The following DNAH12 variants were observed in gnomAD, a reference collection of about 807,000 sequenced individuals.
DNAH12 encodes dynein axonemal heavy chain 12, also known as axonemal beta dynein heavy chain 12.
Under a neutral mutation model 371.5 loss-of-function variants are expected in DNAH12, and 285 were observed. The observed-to-expected ratio is 0.77, with a 90% CI of 0.70 to 0.85. The LOEUF (loss-of-function observed/expected upper bound fraction) is 0.85. Among genes scored for constraint, DNAH12 ranks in the 40% least tolerant of loss-of-function variants. The probability of loss-of-function intolerance (pLI) is 0.00; values close to 1 mark genes in which losing one functional copy is unlikely to be tolerated. For synonymous variants in DNAH12, 1,200 were observed against 1,213.0 expected (o/e 0.99, Z 0.22); for missense variants, 3,611 against 3,689.4 (o/e 0.98, Z 0.55).
At chr3:57,451,496 G>T (rs778229698) in intron 25 of DNAH12, among the ~76,000 whole-genome samples, 1 of 152,112 alleles carries the variant, frequency 6.6e-6, no homozygotes, top group Non-Finnish European at 1.5e-5. Context: ...AAATTAGCTG[G>T]GTGTGTTGGC....
Position 57,433,376 on chromosome 3 carries a change from A to G in DNAH12, c.4971T>C (p.Asp1657=). ...TTTGATCATGATTTACCTTTTTATT[A>G]TCATCCAATACTGTGTTCATGCTCT... is the stretch of plus-strand genomic sequence containing the variant. ...WIESMNTVLD[D]NKKLCLMSGE... is the part of the protein sequence containing the mutation. Residue 1657 remains aspartate, a synonymous_variant, in exon 32 of 74, where the codon GAT becomes GAC. Transcript: ENST00000495027. 6.5e-7 allele frequency: 1 copy of G among 1,548,080 alleles called. No individual in the cohort carries two copies. Among genetic ancestry groups the G allele is most frequent in the African/African-American group, 1.4e-5 (1 of 73,056 alleles).
intron 59 of DNAH12, among the ~76,000 whole-genome samples, chr3:57,354,526 T>C (rs2062752516): frequency 2.2e-5 from 3 of 138,646 alleles, no homozygotes; most frequent in African/African-American, 8.2e-5. Flanking sequence ...ATAAACCCTA[T>C]GTCTTGTTTG....
Position 57,449,430 on chromosome 3 carries a change from G to A in DNAH12, c.3787-2741C>T, listed in dbSNP as rs149805862. ...CCTCAGGGAGGCTCCGGCCGCACAGGAGCCCATGGAGTGGGTGGGAGGCTC... is the reference window on the plus strand; with the variant it reads ...CCTCAGGGAGGCTCCGGCCGCACAGAAGCCCATGGAGTGGGTGGGAGGCTC... On this transcript the variant is annotated intron_variant, in intron 25 of 73. Coordinates refer to ENST00000495027, the MANE Select transcript of DNAH12 (RefSeq NM_001366028.2). Among the ~76,000 whole-genome samples the A allele has an allele frequency of 7.2e-3, 1,096 of 152,316 alleles. 11 individuals are homozygous for A. Among genetic ancestry groups the A allele is most frequent in the Middle Eastern group, 0.044 (13 of 294 alleles).
At chr3:57,478,217 A>G (rs1306123812) in intron 13 of DNAH12, among the ~76,000 whole-genome samples, 1 of 152,238 alleles carries the variant, frequency 6.6e-6, no homozygotes, top group Non-Finnish European at 1.5e-5. Flanking sequence ...ACCAATGCAG[A>G]GAAGTCCTTA....
chr3:57,428,623 A>G lies in DNAH12; in HGVS notation c.5253+10T>C. 1 of 1,525,732 alleles carries G rather than the reference A, an allele frequency of 6.6e-7. No homozygotes were observed. The allele number at this position is 1,525,732 out of a possible 1,614,324, so 94.5% of individuals were successfully genotyped here. On this transcript the variant is annotated intron_variant, in intron 34 of 73. Coordinates refer to ENST00000495027, the MANE Select transcript of DNAH12 (RefSeq NM_001366028.2). ...AGAAACTTGAATAGGTCAGAGAATT[A>G]TAGGATTACCTTGCATTTTTTCTTA...
intron 13 of DNAH12, among the ~76,000 whole-genome samples, chr3:57,477,210 C>T (rs539031859): frequency 6.4e-4 from 97 of 152,324 alleles, no homozygotes; most frequent in African/African-American, 2.3e-3. Flanking sequence ...CCTGGAAAAT[C>T]AGGTCACTCG....
chr3:57,507,667 A>G lies in DNAH12; in HGVS notation c.873T>C (p.Cys291=). Reference sequence around the variant, plus strand: ...CCTGATTTGACATAAGTGTGGAAACACAGCTATAAAATGCATCCAATTTTT... The same window carrying G: ...CCTGATTTGACATAAGTGTGGAAACGCAGCTATAAAATGCATCCAATTTTT... ...KPEKLDAFYS[C]VSTLMSNQLK... The change falls in exon 8 of 74, where the codon TGT becomes TGC. Residue 291 remains cysteine (C), a synonymous_variant. Coordinates refer to ENST00000495027, the MANE Select transcript of DNAH12 (RefSeq NM_001366028.2). The G allele has an allele frequency of 1.2e-6, 2 of 1,606,216 alleles. No homozygotes were observed. Among genetic ancestry groups the G allele is most frequent in the Non-Finnish European group, 1.7e-6 (2 of 1,178,826 alleles).
At chr3:57,478,600 G>A (rs967785965) in intron 13 of DNAH12, among the ~76,000 whole-genome samples, 6 of 151,966 alleles carry the variant, frequency 3.9e-5, no homozygotes, top group African/African-American at 1.2e-4. Flanking sequence ...CTCGAGAAGA[G>A]CAACTCCAAG....
chr3:57,389,293 C>T (rs2063560552), intron 45 of DNAH12, among the ~76,000 whole-genome samples: 1 of 150,536 alleles, frequency 6.6e-6, no homozygotes, highest in Non-Finnish European at 1.5e-5. Flanking sequence ...TTTAATCATC[C>T]TGCTAATAAT....
At chr3:57,336,174 A>G (rs1446557943) in intron 60 of DNAH12, among the ~76,000 whole-genome samples, 1 of 152,238 alleles carries the variant, frequency 6.6e-6, no homozygotes, top group African/African-American at 2.4e-5. Flanking sequence ...AAACTAATCC[A>G]GTAGCAATTT....
intron 32 of DNAH12, among the ~76,000 whole-genome samples, chr3:57,429,985 C>T (rs1440659636): frequency 6.6e-6 from 1 of 152,058 alleles, no homozygotes; most frequent in Non-Finnish European, 1.5e-5. Flanking sequence ...GTCTCTTCAT[C>T]TATAAAACAG....
At chr3:57,500,176 G>A (rs1174131408) in intron 11 of DNAH12, among the ~76,000 whole-genome samples, 11 of 152,034 alleles carry the variant, frequency 7.2e-5, no homozygotes, top group Non-Finnish European at 1.0e-4. Context: ...TAGTAGCTGG[G>A]ATTACAGGCA....
chr3:57,423,047 T>C (rs1575581605), intron 35 of DNAH12, among the ~76,000 whole-genome samples: 1 of 152,316 alleles, frequency 6.6e-6, no homozygotes, highest in East Asian at 1.9e-4. Context: ...CAATATTAGC[T>C]GCCTTCAGTG....
chr3:57,413,661 T>C (rs1216645436), intron 39 of DNAH12, 85 bp downstream of exon 39: 4 of 1,384,170 alleles, frequency 2.9e-6, no homozygotes, highest in Non-Finnish European at 2.9e-6. Flanking sequence ...CCTAAATATC[T>C]TGAAAAATGT....
intron 43 of DNAH12, among the ~76,000 whole-genome samples, chr3:57,402,777 A>G (rs1553679411): frequency 6.6e-6 from 1 of 152,238 alleles, no homozygotes; most frequent in Non-Finnish European, 1.5e-5. Flanking sequence ...ACAATAGCGC[A>G]ACTATATTTA....
intron 29 of DNAH12, among the ~76,000 whole-genome samples, chr3:57,441,222 C>A (rs1052142029): frequency 1.3e-5 from 2 of 151,864 alleles, no homozygotes; most frequent in African/African-American, 4.8e-5. Context: ...CTAAAAAGAA[C>A]CAATTGGACA....
At chr3:57,347,630 C>A (rs181415234) in intron 60 of DNAH12, among the ~76,000 whole-genome samples, 1 of 150,378 alleles carries the variant, frequency 6.6e-6, no homozygotes, top group Non-Finnish European at 1.5e-5. Flanking sequence ...GCAGGAGAAT[C>A]GATTGAACCC....
intron 43 of DNAH12, among the ~76,000 whole-genome samples, chr3:57,396,290 C>CAAAAAAAAAAA (rs1159748997): frequency 8.7e-5 from 6 of 68,708 alleles, no homozygotes; most frequent in Admixed American, 1.6e-4. Flanking sequence ...AAAAAAAAAA[C>CAAAAAAAAAAA]AAAAAAAAAA....
intron 25 of DNAH12, among the ~76,000 whole-genome samples, chr3:57,447,857 TAGAGA>T (rs1295316859): frequency 6.6e-6 from 1 of 152,080 alleles, no homozygotes; most frequent in Non-Finnish European, 1.5e-5. Flanking sequence ...GTATTTTTAG[TAGAGA>T]AGAGGTCTCA....
Sources: gnomAD v4.1 joint callset for allele counts (sites outside exome capture counted in the v4.1 genomes callset) on GRCh38, gnomAD v4.1.1 for gene constraint, MANE v1.5 for transcripts, NCBI Gene and HGNC (gene_info 2026-07-23, HGNC 2026-07-21) for gene names.